FBXL7: variants seen among roughly 807,000 people sequenced by gnomAD.
FBXL7 encodes the protein F-box and leucine rich repeat protein 7.
In FBXL7, 12 loss-of-function variants were observed where a neutral mutation model predicts 38.3. The ratio of observed to expected loss-of-function variants is 0.31; its 90% CI spans 0.20 to 0.51. FBXL7 has a LOEUF of 0.51. Ranked by LOEUF, FBXL7 falls within the 20% of genes least tolerant of loss-of-function variation. FBXL7 has a pLI of 0.98. For synonymous variants in FBXL7, 297 were observed against 300.9 expected (o/e 0.99, Z 0.13); for missense variants, 567 against 676.4 (o/e 0.84, Z 1.79).
chr5:15,507,670 G>A (rs1348439486), intron 1 of FBXL7, among the ~76,000 whole-genome samples: 7 of 152,142 alleles, frequency 4.6e-5, no homozygotes, highest in African/African-American at 1.2e-4. Context: ...TTCTTGAATG[G>A]ATGAAGGGAA....
rs146790587 is a variant in FBXL7 at position 15,589,943 on chromosome 5, G to A, written c.38-26040G>A. Reference sequence around the variant, plus strand: ...CTCATGAATGTTGCTGTGAATAATTGCCTTCACTTGATCCTCTGTGTTTCT... The same window carrying A: ...CTCATGAATGTTGCTGTGAATAATTACCTTCACTTGATCCTCTGTGTTTCT... On this transcript the variant is annotated intron_variant, in intron 1 of 3. Coordinates refer to ENST00000504595, the MANE Select transcript of FBXL7 (RefSeq NM_012304.5). 1.7e-3 allele frequency among the ~76,000 whole-genome samples: 252 copies of A among 152,296 alleles called. 1 individual carries two copies. Among genetic ancestry groups the A allele is most frequent in the African/African-American group, 5.8e-3 (240 of 41,558 alleles).
At chr5:15,678,455 C>T (rs939898609) in intron 2 of FBXL7, among the ~76,000 whole-genome samples, 1 of 152,202 alleles carries the variant, frequency 6.6e-6, no homozygotes, top group Non-Finnish European at 1.5e-5. Context: ...TTGTGGACAT[C>T]TTCAAGATGG....
intron 2 of FBXL7, among the ~76,000 whole-genome samples, chr5:15,902,671 C>T (rs751079979): frequency 3.9e-5 from 6 of 152,170 alleles, no homozygotes; most frequent in Non-Finnish European, 8.8e-5. Context: ...TCTGAAGCCC[C>T]TTAAATAGAT....
chr5:15,791,889 G>T (rs1303118940), intron 2 of FBXL7, among the ~76,000 whole-genome samples: 1 of 152,164 alleles, frequency 6.6e-6, no homozygotes, highest in African/African-American at 2.4e-5. Context: ...TGGCTGCTGG[G>T]CTCCAAACAG....
At chr5:15,501,317 A>G (rs1316331369) in intron 1 of FBXL7, 1 of 608,914 alleles carries the variant, frequency 1.6e-6, no homozygotes, top group Admixed American at 6.3e-5. Context: ...TTGCACAGAA[A>G]TATTGCCTGT....
At chr5:15,713,115 A>C (rs1210883550) in intron 2 of FBXL7, among the ~76,000 whole-genome samples, 3 of 152,202 alleles carry the variant, frequency 2.0e-5, no homozygotes, top group Non-Finnish European at 2.9e-5. Context: ...CGGGCAATTT[A>C]TGAAGAAAAA....
chr5:15,601,104 A>T (rs2126493346), intron 1 of FBXL7, among the ~76,000 whole-genome samples: 1 of 152,342 alleles, frequency 6.6e-6, no homozygotes, highest in South Asian at 2.1e-4. Context: ...GTGACTCAGA[A>T]GAGGCAGTTA....
chr5:15,850,052 C>T (rs1739046311), intron 2 of FBXL7, among the ~76,000 whole-genome samples: 1 of 152,226 alleles, frequency 6.6e-6, no homozygotes, highest in Admixed American at 6.5e-5. Flanking sequence ...ACCAGCACTT[C>T]TGCCTGTATA....
intron 2 of FBXL7, among the ~76,000 whole-genome samples, chr5:15,819,677 G>C (rs1738118108): frequency 6.6e-6 from 1 of 152,122 alleles, no homozygotes; most frequent in Admixed American, 6.5e-5. Flanking sequence ...AGCCACAAAA[G>C]CATGGAGTGC....
chr5:15,734,265 G>A (rs538613529), intron 2 of FBXL7, among the ~76,000 whole-genome samples: 4 of 152,318 alleles, frequency 2.6e-5, no homozygotes, highest in African/African-American at 7.2e-5. Context: ...CTGCCTCACC[G>A]TGGCGCTGTC....
intron 2 of FBXL7, among the ~76,000 whole-genome samples, chr5:15,804,347 T>C (rs1170454979): frequency 3.3e-5 from 5 of 151,990 alleles, no homozygotes; most frequent in African/African-American, 1.2e-4. Flanking sequence ...CATACAACTA[T>C]AGTCCCAGCT....
At chr5:15,617,422 CATTTATTTATTTATTTATTTATTTATTT>C (rs3032718) in intron 2 of FBXL7, among the ~76,000 whole-genome samples, 2 of 142,736 alleles carry the variant, frequency 1.4e-5, no homozygotes, top group Admixed American at 7.0e-5. Flanking sequence ...TGATTCTAGA[CATTTATTTATTTATTTATTTATTTATTT>C]ATTTATTTAT....
chr5:15,870,881 A>G (rs1347040854), intron 2 of FBXL7, among the ~76,000 whole-genome samples: 1 of 152,210 alleles, frequency 6.6e-6, no homozygotes, highest in East Asian at 1.9e-4. Flanking sequence ...CTGTGGGCAC[A>G]GCTTCAGCAG....
At chr5:15,927,116 G>T (rs1026822948) in intron 2 of FBXL7, among the ~76,000 whole-genome samples, 2 of 152,004 alleles carry the variant, frequency 1.3e-5, no homozygotes, top group Non-Finnish European at 2.9e-5. Context: ...GACCTGATGG[G>T]ATTTGTTCCC....
At chr5:15,766,043 T>TCTACCTACCTACCTAC (rs140480289) in intron 2 of FBXL7, among the ~76,000 whole-genome samples, 13,191 of 147,150 alleles carry the variant, frequency 0.09, 657 homozygotes, top group South Asian at 0.15. Context: ...TGTCTGTCTA[T>TCTACCTACCTACCTAC]CTACCTACCT....
chr5:15,662,202 A>G (rs775465722), intron 2 of FBXL7, among the ~76,000 whole-genome samples: 4 of 151,960 alleles, frequency 2.6e-5, no homozygotes, highest in African/African-American at 9.7e-5. Flanking sequence ...TTGGTGTGAG[A>G]TGGTATCTCA....
At chr5:15,572,387 TAA>T (rs61523559) in intron 1 of FBXL7, among the ~76,000 whole-genome samples, 6,172 of 110,482 alleles carry the variant, frequency 0.056, 154 homozygotes, top group Middle Eastern at 0.1. Context: ...TGGTTTCTGC[TAA>T]AAAAAAAAAA....
chr5:15,844,968 C>A (rs918168063), intron 2 of FBXL7, among the ~76,000 whole-genome samples: 1 of 152,166 alleles, frequency 6.6e-6, no homozygotes, highest in African/African-American at 2.4e-5. Flanking sequence ...TTCCTTAAGC[C>A]ACTGTGGCCT....
rs1469445884 is a variant in FBXL7 at position 15,520,108 on chromosome 5, G to C, written c.37+19395G>C. Among the ~76,000 whole-genome samples the C allele has an allele frequency of 2.0e-5, 3 of 152,188 alleles. No individual in the cohort carries two copies. The South Asian group carries it at 6.2e-4, about 32-fold the overall frequency. On this transcript the variant is annotated intron_variant, in intron 1 of 3. Coordinates refer to ENST00000504595, the MANE Select transcript of FBXL7 (RefSeq NM_012304.5). ...GCCATGGCATTTGTAAACTGTCCTG[G>C]TTGGGGGAGTGTAGCAGTGAGGACA...
Sources: allele counts gnomAD v4.1 joint callset (sites outside exome capture counted in the v4.1 genomes callset), GRCh38; gene constraint gnomAD v4.1.1; transcripts MANE v1.5; gene names NCBI Gene and HGNC (gene_info 2026-07-23, HGNC 2026-07-21).